ZNF791: variants seen among roughly 807,000 people sequenced by gnomAD.
ZNF791 encodes the protein zinc finger protein 791.
ZNF791 carries 4 observed loss-of-function variants against 11.5 expected under a neutral mutation model. The observed-to-expected ratio is 0.35, with a 90% confidence interval of 0.17 to 0.80. The LOEUF is 0.80. ZNF791 is among the 30% of genes least tolerant of loss of function. The pLI is 0.53. For missense variants in ZNF791, 559 were observed against 699.4 expected, an observed-to-expected ratio of 0.80 and a Z score of 2.26; for synonymous variants, 212 against 228.1, an observed-to-expected ratio of 0.93 and a Z score of 0.64.
In ZNF791 at chr19:12,632,355, T is replaced by A. The variant is rs1249732656; in HGVS notation, c.*3095T>A. The A allele has an allele frequency of 6.6e-6, 1 of 152,102 alleles. No homozygotes were observed. The highest frequency in any genetic ancestry group is 1.5e-5 in the Non-Finnish European group (1 of 68,024). The allele number at this position is 152,102 out of a possible 1,614,324, so 9.4% of individuals were successfully genotyped here. A position where few individuals can be genotyped will look rare whatever the true frequency, so the allele number is the denominator to read the frequency against. On this transcript the variant is annotated 3_prime_UTR_variant, in exon 4 of 4. Coordinates refer to ENST00000343325, the MANE Select transcript of ZNF791 (RefSeq NM_153358.3). ...TTTTAATTTGTGTATAGTTTTTCAG[T>A]TGTTCTCTGAATAAAGAGATTGTTG...
At chr19:12,620,332 C>T (rs779257776) in intron 1 of ZNF791, among the ~76,000 whole-genome samples, 2 of 152,120 alleles carry the variant, frequency 1.3e-5, no homozygotes, top group Non-Finnish European at 2.9e-5. Flanking sequence ...TGCACCACCA[C>T]GCCTGGCCAA....
rs1025626302 is a variant in ZNF791 at position 12,623,859 on chromosome 19, T to C, written c.130+33T>C. 7.4e-5 allele frequency: 80 copies of C among 1,076,442 alleles called. 8 individuals carry two copies. The highest frequency in any genetic ancestry group is 1.0e-4 in the Non-Finnish European group (77 of 770,056). 66.7% of individuals were successfully genotyped at this position (1,076,442 alleles called of 1,614,324 possible). On this transcript the variant is annotated intron_variant, in intron 2 of 3. Transcript: ENST00000343325. ...TGACATCATTTTTTCTTTTTTCTTTTTTTTTTTTTTTGGGGGGGGACAGAG... is the reference window on the plus strand; with the variant it reads ...TGACATCATTTTTTCTTTTTTCTTTCTTTTTTTTTTTGGGGGGGGACAGAG...
chr19:12,626,240 C>A (rs973523760), intron 3 of ZNF791, among the ~76,000 whole-genome samples: 1 of 152,076 alleles, frequency 6.6e-6, no homozygotes, highest in Non-Finnish European at 1.5e-5. Context: ...TGGTCACGAT[C>A]TCCTGACCTC....
intron 3 of ZNF791, among the ~76,000 whole-genome samples, chr19:12,626,778 TG>T (rs1432286821): frequency 6.6e-6 from 1 of 150,938 alleles, no homozygotes; most frequent in Non-Finnish European, 1.5e-5. Flanking sequence ...CTAATTTTTT[TG>T]TATTTTTAGT....
Position 12,630,816 on chromosome 19 carries a change from TG to T in ZNF791, c.*1558del, listed in dbSNP as rs1426853467. On this transcript the variant is annotated 3_prime_UTR_variant, in exon 4 of 4. Coordinates refer to ENST00000343325, the MANE Select transcript of ZNF791 (RefSeq NM_153358.3). Reference sequence around the variant, plus strand: ...TTTAATAGAAAAAGCTTATAGAATATGGACATAAAATATTTTTGTACAGCTG... The same window carrying T: ...TTTAATAGAAAAAGCTTATAGAATATGACATAAAATATTTTTGTACAGCTG... The T allele has an allele frequency of 6.6e-6, 1 of 152,200 alleles. No homozygotes were observed. Among genetic ancestry groups the T allele is most frequent in the African/African-American group, 2.4e-5 (1 of 41,438 alleles). The allele number at this position is 152,200 out of a possible 1,614,324, so 9.4% of individuals were successfully genotyped here. A position where few individuals can be genotyped will look rare whatever the true frequency, so the allele number is the denominator to read the frequency against.
In ZNF791 at chr19:12,628,846, T is replaced by C. The variant is rs368666593; in HGVS notation, c.1317T>C (p.Pro439=). ...TGATCACCCACACTGGAGACGGACCTTATAAATGTAGGGACTGTGGGAAGG... is the reference window on the plus strand; with the variant it reads ...TGATCACCCACACTGGAGACGGACCCTATAAATGTAGGGACTGTGGGAAGG... ...RHMITHTGDG[P]YKCRDCGKVF... Residue 439 remains proline, a synonymous_variant, in exon 4 of 4, where the codon CCT becomes CCC. Transcript: ENST00000343325. 6.2e-7 allele frequency: 1 copy of C among 1,613,214 alleles called. No homozygotes were observed. Among genetic ancestry groups the C allele is most frequent in the African/African-American group, 1.3e-5 (1 of 74,750 alleles).
chr19:12,611,116 C>T, intron 1 of ZNF791, 34 bp downstream of exon 1: 1 of 1,613,186 alleles, frequency 6.2e-7, no homozygotes, highest in Non-Finnish European at 8.5e-7. Flanking sequence ...TTGGAACCGG[C>T]CGTGATCGCG....
chr19:12,618,164 C>A (rs1355911980), intron 1 of ZNF791, among the ~76,000 whole-genome samples: 1 of 151,982 alleles, frequency 6.6e-6, no homozygotes, highest in Non-Finnish European at 1.5e-5. Context: ...GTGATCCACC[C>A]ACCTTGGCTT....
rs866660612 is a variant in ZNF791, at chr19:12,621,899, T to C, written c.4-1801T>C. Among the ~76,000 whole-genome samples, 40 of 116,464 alleles carry C rather than the reference T, an allele frequency of 3.4e-4. 2 individuals are homozygous for C. Among genetic ancestry groups the C allele is most frequent in the African/African-American group, 1.3e-3 (39 of 29,588 alleles). The allele number at this position is 116,464 out of a possible 152,430, so 76.4% of individuals were successfully genotyped here. The stretch of plus-strand genomic sequence containing the variant: ...AACGGGCCAGGATGACAATGGCGGC[T>C]TTGTGGAATAGAAAGGCGGGAAAAG... On this transcript the variant is annotated intron_variant, in intron 1 of 3. Coordinates refer to ENST00000343325, the MANE Select transcript of ZNF791 (RefSeq NM_153358.3).
At chr19:12,620,980 C>T (rs1318318654) in intron 1 of ZNF791, among the ~76,000 whole-genome samples, 1 of 151,736 alleles carries the variant, frequency 6.6e-6, no homozygotes, top group Non-Finnish European at 1.5e-5. Flanking sequence ...AGGGTGGTCT[C>T]GAACTCCTGA....
intron 1 of ZNF791, among the ~76,000 whole-genome samples, chr19:12,618,807 CAGTGTGTG>C (rs754080968): frequency 1.3e-5 from 1 of 79,224 alleles, no homozygotes; most frequent in Non-Finnish European, 2.6e-5. Flanking sequence ...GTTTACCTCT[CAGTGTGTG>C]TGTGTGTGTG....
intron 1 of ZNF791, among the ~76,000 whole-genome samples, chr19:12,622,679 G>A (rs868190845): frequency 7.9e-5 from 12 of 152,000 alleles, no homozygotes; most frequent in African/African-American, 2.9e-4. Context: ...TGGATCACGA[G>A]GTCGGGAGTT....
In ZNF791 at chr19:12,629,255, C is replaced by A. The variant is rs371205406; in HGVS notation, c.1726C>A (p.Arg576=). ...AAAAAAACATATGAGAATGCACAATCGATAGAAACTCTATAAATGTGAGAA... is the reference window on the plus strand; with the variant it reads ...AAAAAAACATATGAGAATGCACAATAGATAGAAACTCTATAAATGTGAGAA... ...SLKKHMRMHN[R] The change falls in exon 4 of 4, where the codon CGA becomes AGA. Residue 576 remains arginine (R), a synonymous_variant. Coordinates refer to ENST00000343325, the MANE Select transcript of ZNF791 (RefSeq NM_153358.3). 2.2e-5 allele frequency: 32 copies of A among 1,459,814 alleles called. No homozygotes were observed. The Admixed American group carries it at 4.7e-4, about 22-fold the overall frequency. The allele number at this position is 1,459,814 out of a possible 1,614,324, so 90.4% of individuals were successfully genotyped here. A position where few individuals can be genotyped will look rare whatever the true frequency, so the allele number is the denominator to read the frequency against.
chr19:12,622,893 C>CA (rs34772341), intron 1 of ZNF791, among the ~76,000 whole-genome samples: 37,118 of 93,154 alleles, frequency 0.4, 6,168 homozygotes, highest in Middle Eastern at 0.47. Context: ...GACTCCGTCT[C>CA]AAAAAAAAAA....
rs2023470681 is a variant in ZNF791 at position 12,629,290 on chromosome 19, A to G, written c.*30A>G. 7.1e-7 allele frequency: 1 copy of G among 1,411,864 alleles called. No individual in the cohort carries two copies. Among genetic ancestry groups the G allele is most frequent in the African/African-American group, 1.4e-5 (1 of 69,440 alleles). 87.5% of individuals were successfully genotyped at this position (1,411,864 alleles called of 1,614,324 possible). Reference sequence around the variant, plus strand: ...TCTATAAATGTGAGAAATAGGAGAAAGTTTTCAATTCTAACAGATGCTTTC... The same window carrying G: ...TCTATAAATGTGAGAAATAGGAGAAGGTTTTCAATTCTAACAGATGCTTTC... On this transcript the variant is annotated 3_prime_UTR_variant, in exon 4 of 4. Transcript: ENST00000343325.
intron 1 of ZNF791, among the ~76,000 whole-genome samples, chr19:12,617,812 G>A (rs993748527): frequency 7.7e-6 from 1 of 129,992 alleles, no homozygotes; most frequent in Non-Finnish European, 1.6e-5. Flanking sequence ...CTGTCACCAG[G>A]CTGGAATGCA....
chr19:12,614,425 C>T (rs2023208380), intron 1 of ZNF791, among the ~76,000 whole-genome samples: 2 of 151,074 alleles, frequency 1.3e-5, no homozygotes, highest in East Asian at 2.0e-4. Flanking sequence ...TTAGTAGAGA[C>T]GGGGTTTCAC....
chr19:12,627,672 A>G, intron 3 of ZNF791, 49 bp from the exon 4 acceptor site: 2 of 1,458,322 alleles, frequency 1.4e-6, no homozygotes, highest in East Asian at 2.3e-5. Context: ...TAATACATAT[A>G]AAATCATTAA....
At chr19:12,621,810 A>G (rs2023353312) in intron 1 of ZNF791, among the ~76,000 whole-genome samples, 1 of 135,514 alleles carries the variant, frequency 7.4e-6, no homozygotes. Context: ...CCCGTCCGGG[A>G]GGTGAGGGGC....
Sources: allele counts gnomAD v4.1 joint callset (sites outside exome capture counted in the v4.1 genomes callset), GRCh38; gene constraint gnomAD v4.1.1; transcripts MANE v1.5; gene names NCBI Gene and HGNC (gene_info 2026-07-23, HGNC 2026-07-21).